RBFOX1: variants seen among roughly 807,000 people sequenced by gnomAD.
RBFOX1 encodes RNA binding fox-1 homolog 1, also known as RNA binding protein fox-1 homolog 1.
RBFOX1 carries 8 observed loss-of-function variants against 57.7 expected under a neutral mutation model. The observed-to-expected ratio is 0.14, with a 90% confidence interval of 0.08 to 0.25. The LOEUF (loss-of-function observed/expected upper bound fraction) is 0.25, where lower values mean the gene tolerates loss of function less well. RBFOX1 is among the 10% of genes least tolerant of loss of function. The probability of loss-of-function intolerance (pLI) is 1.00; values close to 1 mark genes in which losing one functional copy is unlikely to be tolerated. For synonymous variants in RBFOX1, 326 were observed against 222.4 expected (o/e 1.47, Z -4.15); for missense variants, 611 against 548.5 (o/e 1.11, Z -1.14).
At chr16:6,120,330 TCAA>T (rs2096539769) in intron 1 of RBFOX1, among the ~76,000 whole-genome samples, 3 of 152,224 alleles carry the variant, frequency 2.0e-5, no homozygotes, top group African/African-American at 4.8e-5. Context: ...AGCTCTATGT[TCAA>T]CTTACTGAGG....
chr16:7,012,940 C>G (rs1661845953), intron 3 of RBFOX1, among the ~76,000 whole-genome samples: 1 of 152,064 alleles, frequency 6.6e-6, no homozygotes, highest in African/African-American at 2.4e-5. Flanking sequence ...TGGAGGCTCT[C>G]TTTGTGGTTG....
At chr16:7,688,158 C>T (rs767562175) in intron 14 of RBFOX1, among the ~76,000 whole-genome samples, 1 of 151,454 alleles carries the variant, frequency 6.6e-6, no homozygotes, top group Non-Finnish European at 1.5e-5. Flanking sequence ...TGCCATCTAC[C>T]AGGCCAGAAG....
intron 3 of RBFOX1, among the ~76,000 whole-genome samples, chr16:5,769,847 G>A (rs558415203): frequency 9.7e-4 from 148 of 152,262 alleles, no homozygotes; most frequent in Admixed American, 2.6e-3. Flanking sequence ...GTAAATTTCT[G>A]TTGTTTGAGC....
intron 2 of RBFOX1, among the ~76,000 whole-genome samples, chr16:6,436,953 C>A (rs74858066): frequency 0.019 from 2,816 of 152,132 alleles, 84 homozygotes; most frequent in African/African-American, 0.064. Flanking sequence ...ATACTTCATC[C>A]CTTGCAGGCC....
At chr16:6,307,957 A>G (rs1175437558) in intron 1 of RBFOX1, among the ~76,000 whole-genome samples, 1 of 148,592 alleles carries the variant, frequency 6.7e-6, no homozygotes, top group South Asian at 2.1e-4. Flanking sequence ...TGTTATTTAC[A>G]TATTATAAAC....
chr16:7,236,035 A>G (rs576305145), intron 4 of RBFOX1, among the ~76,000 whole-genome samples: 1 of 152,254 alleles, frequency 6.6e-6, no homozygotes, highest in South Asian at 2.1e-4. Context: ...ATTTTGTATA[A>G]ATAGTTCCTC....
intron 4 of RBFOX1, among the ~76,000 whole-genome samples, chr16:5,980,039 GAA>G (rs1463756327): frequency 2.6e-5 from 4 of 152,190 alleles, no homozygotes; most frequent in Non-Finnish European, 4.4e-5. Context: ...AAGGGTTCCT[GAA>G]AAGTCTTCCA....
At chr16:7,309,915 C>T (rs1237745271) in intron 4 of RBFOX1, among the ~76,000 whole-genome samples, 1 of 152,072 alleles carries the variant, frequency 6.6e-6, no homozygotes, top group African/African-American at 2.4e-5. Context: ...GAGAAGTGTC[C>T]CAATGTTCTG....
intron 2 of RBFOX1, among the ~76,000 whole-genome samples, chr16:6,565,807 A>G (rs1018406861): frequency 4.6e-5 from 7 of 152,208 alleles, no homozygotes; most frequent in Non-Finnish European, 7.3e-5. Flanking sequence ...CACCTGATGA[A>G]AAAAAGAGCT....
chr16:6,730,657 C>G (rs918741371), intron 3 of RBFOX1, among the ~76,000 whole-genome samples: 1 of 152,166 alleles, frequency 6.6e-6, no homozygotes, highest in Non-Finnish European at 1.5e-5. Context: ...GGAAAATCTT[C>G]AATCATGGTG....
intron 2 of RBFOX1, among the ~76,000 whole-genome samples, chr16:6,650,737 G>T (rs1486734727): frequency 1.3e-5 from 2 of 152,104 alleles, no homozygotes; most frequent in African/African-American, 4.8e-5. Context: ...GGATTCAAAG[G>T]GACCTAGAAT....
At chr16:7,388,840 C>G (rs1311450731) in intron 4 of RBFOX1, among the ~76,000 whole-genome samples, 1 of 151,892 alleles carries the variant, frequency 6.6e-6, no homozygotes, top group African/African-American at 2.4e-5. Flanking sequence ...GAAGACAAAG[C>G]TATGATGTTC....
At chr16:6,362,665 C>T (rs1370870064) in intron 2 of RBFOX1, among the ~76,000 whole-genome samples, 2 of 152,198 alleles carry the variant, frequency 1.3e-5, no homozygotes, top group Non-Finnish European at 2.9e-5. Context: ...ACGGCTTTAA[C>T]CAGAAGGTGA....
At chr16:5,762,778 A>G (rs1177200915) in intron 3 of RBFOX1, among the ~76,000 whole-genome samples, 2 of 152,216 alleles carry the variant, frequency 1.3e-5, no homozygotes, top group Non-Finnish European at 2.9e-5. Context: ...CGTTTGGATA[A>G]TTCTGTCATT....
intron 14 of RBFOX1, among the ~76,000 whole-genome samples, chr16:7,708,456 A>G (rs750932902): frequency 6.6e-6 from 1 of 152,076 alleles, no homozygotes; most frequent in Non-Finnish European, 1.5e-5. Flanking sequence ...TTAATGTGAC[A>G]GAAGTTCTGG....
chr16:7,413,602 G>GC (rs1479957772), intron 4 of RBFOX1, among the ~76,000 whole-genome samples: 1 of 151,868 alleles, frequency 6.6e-6, no homozygotes, highest in African/African-American at 2.4e-5. Flanking sequence ...CCTGCCCCCT[G>GC]CCTGCCCCTT....
chr16:6,245,148 C>A (rs2097562137), intron 1 of RBFOX1, among the ~76,000 whole-genome samples: 1 of 152,148 alleles, frequency 6.6e-6, no homozygotes, highest in African/African-American at 2.4e-5. Flanking sequence ...AATGAACTCA[C>A]AAATAAATGC....
intron 3 of RBFOX1, among the ~76,000 whole-genome samples, chr16:6,833,629 G>C (rs2092873961): frequency 6.6e-6 from 1 of 152,202 alleles, no homozygotes; most frequent in Non-Finnish European, 1.5e-5. Flanking sequence ...TCACAGGGCA[G>C]AGATTTTGTC....
intron 2 of RBFOX1, among the ~76,000 whole-genome samples, chr16:6,413,441 G>A (rs1394028176): frequency 3.3e-5 from 5 of 152,120 alleles, no homozygotes; most frequent in Non-Finnish European, 7.3e-5. Context: ...TGGGGTTACA[G>A]GTGTGAGCCA....
Sources: gnomAD v4.1 joint callset for allele counts (sites outside exome capture counted in the v4.1 genomes callset) on GRCh38, gnomAD v4.1.1 for gene constraint, MANE v1.5 for transcripts, NCBI Gene and HGNC (gene_info 2026-07-23, HGNC 2026-07-21) for gene names.